Variants in MYH13 observed in about 807,000 individuals in gnomAD.
The protein encoded by MYH13 is myosin-13.
MYH13 carries 177 observed loss-of-function variants against 232.1 expected under a neutral mutation model. The ratio of observed to expected loss-of-function variants is 0.76; its 90% confidence interval spans 0.67 to 0.86. MYH13 has a LOEUF of 0.86. Ranked by LOEUF, MYH13 falls within the 40% of genes least tolerant of loss-of-function variation. The pLI is 0.00. For synonymous variants in MYH13, 884 were observed against 923.5 expected, an observed-to-expected ratio of 0.96 and a Z score of 0.78; for missense variants, 2,246 against 2,405.9, an observed-to-expected ratio of 0.93 and a Z score of 1.39.
intron 15 of MYH13, 71 bp downstream of exon 15, chr17:10,345,131 A>C: frequency 6.2e-7 from 1 of 1,612,434 alleles, no homozygotes; most frequent in Non-Finnish European, 8.5e-7. Context: ...CTGTGAGCAG[A>C]AAAGAATCAG....
intron 5 of MYH13, among the ~76,000 whole-genome samples, chr17:10,361,292 C>CTTT (rs147949319): frequency 2.9e-5 from 4 of 137,132 alleles, no homozygotes; most frequent in African/African-American, 8.1e-5. Flanking sequence ...ATGCTAGACT[C>CTTT]TTTTTTTTTT....
intron 22 of MYH13, among the ~76,000 whole-genome samples, chr17:10,327,360 G>C (rs536552007): frequency 6.7e-6 from 1 of 150,224 alleles, no homozygotes; most frequent in East Asian, 2.0e-4. Context: ...TACCCAGGCT[G>C]GTCTTGAACT....
Position 10,345,267 on chromosome 17 carries a change from C to T in MYH13, c.1519G>A (p.Gly507Ser), listed in dbSNP as rs2071653971. 3 of 1,614,062 alleles carry T rather than the reference C, an allele frequency of 1.9e-6. No homozygotes were observed. The highest frequency in any genetic ancestry group is 1.3e-5 in the African/African-American group (1 of 74,920). Residue 507 changes from glycine to serine, a missense_variant, in exon 15 of 41, where the codon GGC becomes AGC. Physicochemically the swap from Gly to Ser is moderately conservative, Grantham distance 56 (BLOSUM62 0). Transcript: ENST00000252172. ...VLEQEEYKKE[G>S]IEWEFIDFGM... is the part of the protein sequence containing the mutation. ...AAGTCAATGAACTCCCACTCGATGC[C>T]TTCCTTCTTGTACTCTTCCTGCTCC...
chr17:10,351,863 CAT>C (rs1429028738), intron 11 of MYH13, among the ~76,000 whole-genome samples: 1 of 152,142 alleles, frequency 6.6e-6, no homozygotes, highest in African/African-American at 2.4e-5. Flanking sequence ...AGGATTGAAA[CAT>C]GTTTGGACGT....
chr17:10,357,312 A>G (rs1187778557), intron 8 of MYH13, among the ~76,000 whole-genome samples: 1 of 152,202 alleles, frequency 6.6e-6, no homozygotes, highest in African/African-American at 2.4e-5. Flanking sequence ...CCCTGCTCCC[A>G]GTCCCTACTG....
At position 10,312,775 on chromosome 17, in the gene MYH13, T is replaced by C. The variant is rs750476581; in HGVS notation, c.4182-18A>G. ...GTTTTTTCCTACGAAAACCAGATTT[T>C]TTTTTTCCCCTTCGCAAAGGTGGAA... On this transcript the variant is annotated intron_variant, in intron 30 of 40. Transcript: ENST00000252172. The C allele has an allele frequency of 1.2e-6, 2 of 1,602,072 alleles. No individual in the cohort carries two copies. Among genetic ancestry groups the C allele is most frequent in the South Asian group, 1.1e-5 (1 of 88,912 alleles).
At chr17:10,319,451 G>T (rs539893083) in intron 26 of MYH13, among the ~76,000 whole-genome samples, 1 of 151,258 alleles carries the variant, frequency 6.6e-6, no homozygotes, top group African/African-American at 2.4e-5. Context: ...GGAGGTTGCA[G>T]TGAGCTGAGA....
chr17:10,317,790 A>G (rs977907067), intron 27 of MYH13: 1 of 152,240 alleles, frequency 6.6e-6, no homozygotes, highest in Non-Finnish European at 1.5e-5. Context: ...AGGAGCCATC[A>G]CAAGCAGAAT....
intron 2 of MYH13, among the ~76,000 whole-genome samples, chr17:10,368,609 G>C (rs1041402105): frequency 9.9e-5 from 15 of 152,186 alleles, no homozygotes; most frequent in African/African-American, 3.6e-4. Context: ...GCCTTGATTT[G>C]TAATAAGGTA....
chr17:10,327,064 C>CGATCTCAG (rs1192828414), intron 22 of MYH13, among the ~76,000 whole-genome samples: 1 of 19,020 alleles, frequency 5.3e-5, no homozygotes, highest in African/African-American at 1.7e-4. Context: ...TGCAGTGGCG[C>CGATCTCAG]GATCTCAGCT....
intron 26 of MYH13, 112 bp downstream of exon 26, chr17:10,320,041 T>C (rs2142231823): frequency 1.3e-6 from 1 of 784,938 alleles, no homozygotes; most frequent in Admixed American, 2.8e-5. Flanking sequence ...ACATCTTCTC[T>C]AGCTTTAGCA....
chr17:10,366,502 T>C (rs940285722), intron 2 of MYH13, among the ~76,000 whole-genome samples: 1 of 151,092 alleles, frequency 6.6e-6, no homozygotes, highest in African/African-American at 2.4e-5. Flanking sequence ...TGCCTCAGTC[T>C]CTTGAGTAGT....
chr17:10,313,996 C>G (rs973300663), intron 29 of MYH13, among the ~76,000 whole-genome samples: 3 of 152,222 alleles, frequency 2.0e-5, no homozygotes, highest in African/African-American at 7.2e-5. Context: ...CCCTCACTCC[C>G]TCCCATTGGA....
chr17:10,358,957 G>A (rs538427480), intron 7 of MYH13, among the ~76,000 whole-genome samples: 67 of 152,358 alleles, frequency 4.4e-4, no homozygotes, highest in African/African-American at 1.4e-3. Flanking sequence ...TCCCTCAACT[G>A]TAGGTGATGG....
At chr17:10,349,259 T>C (rs1567669527) in intron 12 of MYH13, among the ~76,000 whole-genome samples, 2 of 152,094 alleles carry the variant, frequency 1.3e-5, no homozygotes, top group Non-Finnish European at 2.9e-5. Flanking sequence ...GGCACCATTA[T>C]GCCCAGCTAA....
At chr17:10,363,315 C>CAAA (rs11390504) in intron 3 of MYH13, among the ~76,000 whole-genome samples, 153 of 89,788 alleles carry the variant, frequency 1.7e-3, no homozygotes, top group Middle Eastern at 6.8e-3. Context: ...GACTCCGTCT[C>CAAA]AAAAAAAAAA....
chr17:10,301,668 C>T lies in MYH13; in HGVS notation c.5703G>A (p.Arg1901=). 1 of 1,614,084 alleles carries T rather than the reference C, an allele frequency of 6.2e-7. No individual in the cohort carries two copies. Among genetic ancestry groups the T allele is most frequent in the Non-Finnish European group, 8.5e-7 (1 of 1,180,008 alleles). ...EQANTQLSRC[R]RVQHELEEAA... ...CCTCCTCTAGCTCATGCTGGACTCTCCGGCATCTGGACAGCTGCGTGTTGG... is the reference window on the plus strand; with the variant it reads ...CCTCCTCTAGCTCATGCTGGACTCTTCGGCATCTGGACAGCTGCGTGTTGG... The change falls in exon 40 of 41, where the codon CGG becomes CGA. Residue 1901 remains arginine (R), a synonymous_variant. Coordinates refer to ENST00000252172, the MANE Select transcript of MYH13 (RefSeq NM_003802.3).
At chr17:10,331,978 G>A in intron 20 of MYH13, 121 bp downstream of exon 20, 1 of 1,272,928 alleles carries the variant, frequency 7.9e-7, no homozygotes, top group African/African-American at 1.5e-5. Context: ...CCCTTACCTG[G>A]GCGACTGGGC....
Position 10,350,523 on chromosome 17 carries a change from A to C in MYH13, c.1144+33T>G, listed in dbSNP as rs902987239. The C allele has an allele frequency of 3.1e-6, 5 of 1,605,774 alleles. No homozygotes were observed. In the Admixed American group the frequency reaches 5.1e-5, roughly 16 times the overall value. On this transcript the variant is annotated intron_variant, in intron 12 of 40. Transcript: ENST00000252172. ...CTCGCCCGCACATGAACATAGATGG[A>C]CCCAATCGCATCCCTTTCCCAGATG... is the stretch of plus-strand genomic sequence containing the variant.
Sources: gnomAD v4.1 joint callset for allele counts (sites outside exome capture counted in the v4.1 genomes callset) on GRCh38, gnomAD v4.1.1 for gene constraint, MANE v1.5 for transcripts, NCBI Gene and HGNC (gene_info 2026-07-23, HGNC 2026-07-21) for gene names.